Variants in NANP observed in about 807,000 individuals in gnomAD.
NANP encodes N-acylneuraminate-9-phosphatase.
In NANP, 15 loss-of-function variants were observed where a neutral mutation model predicts 16.9. That is an observed-to-expected ratio of 0.89 (90% CI 0.59 to 1.37). NANP has a LOEUF of 1.37. NANP is among the 40% of genes most tolerant of loss of function. The pLI is 0.00. For missense variants in NANP, 290 were observed against 303.5 expected (o/e 0.96, Z 0.33); for synonymous variants, 135 against 112.6 (o/e 1.20, Z -1.26).
chr20:25,613,758 A>T lies in NANP; in HGVS notation c.*2167T>A. 2.5e-6 allele frequency: 1 copy of T among 398,532 alleles called. No individual in the cohort carries two copies. The highest frequency in any genetic ancestry group is 4.4e-6 in the Non-Finnish European group (1 of 226,030). The allele number at this position is 398,532 out of a possible 1,614,324, so 24.7% of individuals were successfully genotyped here. A position where few individuals can be genotyped will look rare whatever the true frequency, so the allele number is the denominator to read the frequency against. On this transcript the variant is annotated 3_prime_UTR_variant, in exon 2 of 2. Transcript: ENST00000304788. ...TTTAATTATTCAATTTTTTCCTTCT[A>T]CATCATTTCTGCTGGAGAACTGCTC...
chr20:25,621,552 C>A (rs2065364267), intron 1 of NANP, among the ~76,000 whole-genome samples: 1 of 152,226 alleles, frequency 6.6e-6, no homozygotes, highest in African/African-American at 2.4e-5. Context: ...TTCCTCCATT[C>A]ATAAATTATT....
At position 25,613,585 on chromosome 20, in the gene NANP, C is replaced by A. The variant is rs2065330574; in HGVS notation, c.*2340G>T. ...CTAAAACAAAAAATATTAATAAAAT[C>A]ATAGGTTTATTCCAATATTTTAAAA... is the stretch of plus-strand genomic sequence containing the variant. On this transcript the variant is annotated 3_prime_UTR_variant, in exon 2 of 2. Coordinates refer to ENST00000304788, the MANE Select transcript of NANP (RefSeq NM_152667.3). The A allele has an allele frequency of 1.6e-5, 6 of 384,728 alleles. No individual in the cohort carries two copies. In the East Asian group the frequency reaches 2.2e-4, roughly 14 times the overall value. The allele number at this position is 384,728 out of a possible 1,614,324, so 23.8% of individuals were successfully genotyped here. A position where few individuals can be genotyped will look rare whatever the true frequency, so the allele number is the denominator to read the frequency against.
In NANP at chr20:25,623,922, A is replaced by G; in HGVS notation, c.27T>C (p.Val9=). The change falls in exon 1 of 2, where the codon GTT becomes GTC. Residue 9 remains valine, a synonymous_variant. Transcript: ENST00000304788. ...TGAGAGTGTTGTCCAAGTCAAAGAA[A>G]ACCGCCCGCACGCGGCTCAGCCCCA... MGLSRVRA[V]FFDLDNTLID... 1 of 1,613,290 alleles carries G rather than the reference A, an allele frequency of 6.2e-7. No individual in the cohort carries two copies. Among genetic ancestry groups the G allele is most frequent in the Non-Finnish European group, 8.5e-7 (1 of 1,179,740 alleles).
rs2065340371 is a variant in NANP, at chr20:25,615,739, C to T, written c.*186G>A. ...AATCTGAATTTTCAGATATAAGTACCACTCAATGGTTGGTTGTTACAACTT... is the reference window on the plus strand; with the variant it reads ...AATCTGAATTTTCAGATATAAGTACTACTCAATGGTTGGTTGTTACAACTT... On this transcript the variant is annotated 3_prime_UTR_variant, in exon 2 of 2. Transcript: ENST00000304788. 4 of 583,354 alleles carry T rather than the reference C, an allele frequency of 6.9e-6. No homozygotes were observed. The highest frequency in any genetic ancestry group is 1.2e-5 in the Non-Finnish European group (4 of 340,862). The allele number at this position is 583,354 out of a possible 1,614,324, so 36.1% of individuals were successfully genotyped here. A position where few individuals can be genotyped will look rare whatever the true frequency, so the allele number is the denominator to read the frequency against.
chr20:25,617,456 C>A (rs557073049), intron 1 of NANP, among the ~76,000 whole-genome samples: 1 of 152,220 alleles, frequency 6.6e-6, no homozygotes. Context: ...AAGTGATCTG[C>A]CTGCCTCGGC....
In NANP at chr20:25,623,868, G is replaced by A. The variant is rs764284341; in HGVS notation, c.81C>T (p.Gly27=). The A allele has an allele frequency of 1.2e-6, 2 of 1,613,426 alleles. No individual in the cohort carries two copies. The highest frequency in any genetic ancestry group is 1.7e-6 in the Non-Finnish European group (2 of 1,179,708). The change falls in exon 1 of 2, where the codon GGC becomes GGT. Residue 27 remains glycine (G), a synonymous_variant. Transcript: ENST00000304788. ...LIDTAGASRR[G]MLEVIKLLQS... ...TGGGTGGGGACGTTACCTCCAACAT[G>A]CCTCTCCTGCTCGCCCCGGCCGTGT...
At chr20:25,623,207 G>A (rs1345406464) in intron 1 of NANP, among the ~76,000 whole-genome samples, 1 of 152,100 alleles carries the variant, frequency 6.6e-6, no homozygotes. Flanking sequence ...GCCTCCGCGC[G>A]TGTAGAGGGG....
In NANP at chr20:25,616,005, G is replaced by A. The variant is rs769661896; in HGVS notation, c.667C>T (p.Pro223Ser). ...GIVPLKSSPV[P>S]HYMVSSVLEL... ...AGCACAGAAGAAACCATGTAATGCG[G>A]AACTGGGGAGGACTTCAGTGGCACT... Residue 223 changes from proline (P) to serine (S), a missense_variant, in exon 2 of 2, where the codon CCG (proline) becomes TCG (serine). Coordinates refer to ENST00000304788, the MANE Select transcript of NANP (RefSeq NM_152667.3). 1.2e-6 allele frequency: 2 copies of A among 1,614,182 alleles called. No individual in the cohort carries two copies. The highest frequency in any genetic ancestry group is 2.2e-5 in the South Asian group (2 of 91,076).
Position 25,616,703 on chromosome 20 carries a change from A to G in NANP, c.91-122T>C, listed in dbSNP as rs977741020. The G allele has an allele frequency of 1.1e-5, 8 of 728,990 alleles. No homozygotes were observed. The Admixed American group carries it at 2.5e-4, about 23-fold the overall frequency. 45.2% of individuals were successfully genotyped at this position (728,990 alleles called of 1,614,324 possible). A position where few individuals can be genotyped will look rare whatever the true frequency, so the allele number is the denominator to read the frequency against. ...TCCACTCCTCTGCTTTAAAGCAGCT[A>G]CTAACTACACCGTTTCTGGTGGGAA... On this transcript the variant is annotated intron_variant, in intron 1 of 1. Coordinates refer to ENST00000304788, the MANE Select transcript of NANP (RefSeq NM_152667.3).
chr20:25,622,401 G>T (rs892913252), intron 1 of NANP, among the ~76,000 whole-genome samples: 1 of 152,232 alleles, frequency 6.6e-6, no homozygotes, highest in Non-Finnish European at 1.5e-5. Context: ...CACATTTTAT[G>T]AAGATATAAG....
intron 1 of NANP, among the ~76,000 whole-genome samples, chr20:25,620,310 C>A (rs1048138811): frequency 6.6e-6 from 1 of 152,114 alleles, no homozygotes; most frequent in Non-Finnish European, 1.5e-5. Flanking sequence ...AAAGAGCCCA[C>A]AAGGTGCTCG....
chr20:25,619,996 C>A (rs1310594784), intron 1 of NANP, among the ~76,000 whole-genome samples: 1 of 152,186 alleles, frequency 6.6e-6, no homozygotes, highest in African/African-American at 2.4e-5. Context: ...CCTATTCTAT[C>A]CCTTCAATTA....
In NANP at chr20:25,621,964, T is replaced by C. The variant is rs534316293; in HGVS notation, c.90+1895A>G. On this transcript the variant is annotated intron_variant, in intron 1 of 1. Transcript: ENST00000304788. ...TCCAGCATTTATTCAACATTTGCCA[T>C]GTGTCAAACGAGGATAATTAAGACA... is the stretch of plus-strand genomic sequence containing the variant. Among the ~76,000 whole-genome samples the C allele has an allele frequency of 8.6e-5, 13 of 151,136 alleles. 1 individual carries two copies. The South Asian group carries it at 2.7e-3, about 31-fold the overall frequency.
Position 25,624,013 on chromosome 20 carries a change from G to A in NANP, c.-65C>T. On this transcript the variant is annotated 5_prime_UTR_variant, in exon 1 of 2. Coordinates refer to ENST00000304788, the MANE Select transcript of NANP (RefSeq NM_152667.3). ...CGCCTGCGCATGCGCAAGGCGGACTGCCCAGAGAGACGTGGGAGGAGCCGC... is the reference window on the plus strand; with the variant it reads ...CGCCTGCGCATGCGCAAGGCGGACTACCCAGAGAGACGTGGGAGGAGCCGC... The A allele has an allele frequency of 6.6e-7, 1 of 1,518,562 alleles. No homozygotes were observed. The highest frequency in any genetic ancestry group is 9.0e-7 in the Non-Finnish European group (1 of 1,110,788). 94.1% of individuals were successfully genotyped at this position (1,518,562 alleles called of 1,614,324 possible).
In NANP at chr20:25,615,855, GCCC is replaced by G; in HGVS notation, c.*67_*69del. 3.6e-6 allele frequency: 5 copies of G among 1,386,058 alleles called. No homozygotes were observed. The highest frequency in any genetic ancestry group is 2.8e-5 in the South Asian group (2 of 71,334). 85.9% of individuals were successfully genotyped at this position (1,386,058 alleles called of 1,614,324 possible). On this transcript the variant is annotated 3_prime_UTR_variant, in exon 2 of 2. Transcript: ENST00000304788. ...AGAGCTGGATTATCATAAGTGGAGT[GCCC>G]TAACTTTTCTTATTTCATACTCAGC...
Position 25,613,094 on chromosome 20 carries a change from A to C in NANP, c.*2831T>G, listed in dbSNP as rs1052818214. On this transcript the variant is annotated 3_prime_UTR_variant, in exon 2 of 2. Transcript: ENST00000304788. The stretch of plus-strand genomic sequence containing the variant: ...AATTAAACATATAAAACTGGATCCC[A>C]TACACATATTAATGTTATACTATAA... 1.8e-4 allele frequency: 27 copies of C among 152,106 alleles called. No individual in the cohort carries two copies. The highest frequency in any genetic ancestry group is 1.2e-3 in the Admixed American group (18 of 15,268). The allele number at this position is 152,106 out of a possible 1,614,324, so 9.4% of individuals were successfully genotyped here. A position where few individuals can be genotyped will look rare whatever the true frequency, so the allele number is the denominator to read the frequency against.
At position 25,616,430 on chromosome 20, in the gene NANP, T is replaced by C; in HGVS notation, c.242A>G (p.Gln81Arg). Residue 81 changes from glutamine (Q) to arginine (R), a missense_variant, in exon 2 of 2, where the codon CAG (glutamine) becomes CGG (arginine). Coordinates refer to ENST00000304788, the MANE Select transcript of NANP (RefSeq NM_152667.3). ...LRTSHWEEAI[Q>R]ETKGGAANRK... ...ATTGGCTGCACCACCTTTTGTTTCC[T>C]GGATTGCTTCTTCCCAATGTGAAGT... 6.2e-7 allele frequency: 1 copy of C among 1,614,226 alleles called. No individual in the cohort carries two copies. Among genetic ancestry groups the C allele is most frequent in the Non-Finnish European group, 8.5e-7 (1 of 1,180,050 alleles).
At position 25,623,949 on chromosome 20, in the gene NANP, A is replaced by C. The variant is rs766407530; in HGVS notation, c.-1T>G. 2 of 1,612,114 alleles carry C rather than the reference A, an allele frequency of 1.2e-6. No individual in the cohort carries two copies. Among genetic ancestry groups the C allele is most frequent in the South Asian group, 1.1e-5 (1 of 91,012 alleles). On this transcript the variant is annotated 5_prime_UTR_variant, in exon 1 of 2. Transcript: ENST00000304788. ...CCGCCCGCACGCGGCTCAGCCCCAT[A>C]GCGCCGGCCGCTGGCGCGAACCGTA...
chr20:25,624,006 G>C lies in NANP; in HGVS notation c.-58C>G. 6.4e-7 allele frequency: 1 copy of C among 1,554,454 alleles called. No individual in the cohort carries two copies. On this transcript the variant is annotated 5_prime_UTR_variant, in exon 1 of 2. Transcript: ENST00000304788. ...CCACCGCCGCCTGCGCATGCGCAAG[G>C]CGGACTGCCCAGAGAGACGTGGGAG...
Sources: allele counts gnomAD v4.1 joint callset (sites outside exome capture counted in the v4.1 genomes callset), GRCh38; gene constraint gnomAD v4.1.1; transcripts MANE v1.5; gene names NCBI Gene and HGNC (gene_info 2026-07-23, HGNC 2026-07-21).